The following TRAPPC11 variants were observed in gnomAD, a reference collection of about 807,000 sequenced individuals.
TRAPPC11 encodes foie gras homolog.
Under a neutral mutation model 151.2 loss-of-function variants are expected in TRAPPC11, and 104 were observed. That is an observed-to-expected ratio of 0.69 (90% CI 0.59 to 0.81). The LOEUF (loss-of-function observed/expected upper bound fraction) is 0.81. Among genes scored for constraint, TRAPPC11 ranks in the 30% least tolerant of loss-of-function variants. The pLI, the probability that TRAPPC11 is intolerant of heterozygous loss-of-function variation, is 0.00. For missense variants in TRAPPC11, 1,230 were observed against 1,349.6 expected (o/e 0.91, Z 1.39); for synonymous variants, 456 against 472.3 (o/e 0.97, Z 0.45).
rs775673359 is a variant in TRAPPC11 at position 183,685,113 on chromosome 4, C to G, written c.1597C>G (p.Arg533Gly). The change falls in exon 16 of 30, where the codon CGG becomes GGG. Residue 533 changes from arginine (R) to glycine (G), a missense_variant. Coordinates refer to ENST00000334690, the MANE Select transcript of TRAPPC11 (RefSeq NM_021942.6). ...ASTLKDDQKS[R>G]IEKNLINVLM... is the part of the protein sequence containing the mutation. The stretch of plus-strand genomic sequence containing the variant: ...AACTCTGAAAGATGACCAGAAGTCT[C>G]GGATAGAAAAGAACCTCATAAATGT... 1 of 1,613,712 alleles carries G rather than the reference C, an allele frequency of 6.2e-7. No homozygotes were observed. Among genetic ancestry groups the G allele is most frequent in the East Asian group, 2.2e-5 (1 of 44,838 alleles).
intron 14 of TRAPPC11, 56 bp from the exon 15 acceptor site, chr4:183,684,632 TCCATGAAC>T: frequency 1.3e-6 from 2 of 1,541,698 alleles, no homozygotes; most frequent in Admixed American, 3.8e-5. Context: ...TATTTTTTTC[TCCATGAAC>T]TCTTCGAACC....
intron 1 of TRAPPC11, among the ~76,000 whole-genome samples, chr4:183,663,549 A>T (rs1167823661): frequency 6.6e-6 from 1 of 151,920 alleles, no homozygotes; most frequent in Non-Finnish European, 1.5e-5. Flanking sequence ...TTGTATTTTT[A>T]GTAGAGACAA....
At chr4:183,660,000 A>G (rs1244671173) in intron 1 of TRAPPC11, among the ~76,000 whole-genome samples, 1 of 152,106 alleles carries the variant, frequency 6.6e-6, no homozygotes, top group African/African-American at 2.4e-5. Context: ...CTTCCCTTGC[A>G]TTACTTGATC....
chr4:183,694,748 A>T, intron 23 of TRAPPC11, 25 bp downstream of exon 23: 1 of 1,599,632 alleles, frequency 6.3e-7, no homozygotes, highest in Non-Finnish European at 8.5e-7. Context: ...CTACTTTATA[A>T]AGCATCATAT....
intron 5 of TRAPPC11, among the ~76,000 whole-genome samples, chr4:183,669,028 G>T (rs1415819064): frequency 6.6e-6 from 1 of 152,122 alleles, no homozygotes; most frequent in East Asian, 1.9e-4. Context: ...CTTCTCACTG[G>T]TATATAAAAG....
intron 3 of TRAPPC11, 26 bp from the exon 4 acceptor site, chr4:183,667,034 A>G: frequency 6.3e-7 from 1 of 1,575,738 alleles, no homozygotes; most frequent in Non-Finnish European, 8.7e-7. Flanking sequence ...AAAATAATTA[A>G]TTTTATTCTT....
chr4:183,659,336 C>A lies in TRAPPC11; in HGVS notation c.-133C>A. ...CCTGTTGGAACTGGCTGTGGGGCTG[C>A]GGCGGTGGGGACGGGCCACGGCGTT... On this transcript the variant is annotated 5_prime_UTR_variant, in exon 1 of 30. Coordinates refer to ENST00000334690, the MANE Select transcript of TRAPPC11 (RefSeq NM_021942.6). The A allele has an allele frequency of 4.9e-6, 1 of 202,626 alleles. No homozygotes were observed. 12.6% of individuals were successfully genotyped at this position (202,626 alleles called of 1,614,324 possible).
At chr4:183,692,838 C>T in intron 19 of TRAPPC11, 122 bp from the exon 20 acceptor site, 4 of 818,832 alleles carry the variant, frequency 4.9e-6, no homozygotes, top group Non-Finnish European at 5.6e-6. Context: ...TCACTTCTGT[C>T]ACACTGGGGG....
chr4:183,683,477 A>G (rs575268745), intron 11 of TRAPPC11, among the ~76,000 whole-genome samples: 1 of 152,260 alleles, frequency 6.6e-6, no homozygotes, highest in East Asian at 1.9e-4. Context: ...CCTGGGCAAC[A>G]TAGTGAGAAC....
chr4:183,663,755 T>TTTTAAA, intron 1 of TRAPPC11, 92 bp from the exon 2 acceptor site: 1 of 473,400 alleles, frequency 2.1e-6, no homozygotes, highest in East Asian at 3.7e-5. Flanking sequence ...TTTTTTTTTT[T>TTTTAAA]GAGACAGAGT....
At chr4:183,691,843 TA>T (rs2111061901) in intron 19 of TRAPPC11, among the ~76,000 whole-genome samples, 1 of 152,304 alleles carries the variant, frequency 6.6e-6, no homozygotes, top group African/African-American at 2.4e-5. Context: ...ATAGCAAATA[TA>T]TTTTTTATGT....
chr4:183,708,390 GA>G lies in TRAPPC11; in HGVS notation c.3190-16del, dbSNP rs2111105543. 3 of 1,606,132 alleles carry G rather than the reference GA, an allele frequency of 1.9e-6. No homozygotes were observed. The highest frequency in any genetic ancestry group is 1.7e-6 in the Non-Finnish European group (2 of 1,176,146). On this transcript the variant is annotated splice_polypyrimidine_tract_variant and intron_variant, in intron 28 of 29. Transcript: ENST00000334690. ...TGTGTATTTGATTATCTTTCTCTGT[GA>G]CTTTTTATGATGCAGATTCGATTAC...
At chr4:183,660,831 A>T (rs1257661439) in intron 1 of TRAPPC11, among the ~76,000 whole-genome samples, 1 of 152,156 alleles carries the variant, frequency 6.6e-6, no homozygotes, top group Non-Finnish European at 1.5e-5. Flanking sequence ...CTCCTGCCTC[A>T]GCCTCCCGAG....
chr4:183,694,581 TTA>T (rs1330652277), intron 22 of TRAPPC11, 21 bp from the exon 23 acceptor site: 2 of 1,601,512 alleles, frequency 1.2e-6, no homozygotes, highest in African/African-American at 2.7e-5. Flanking sequence ...ACTAATTAAA[TTA>T]CAACATTTAT....
Position 183,659,321 on chromosome 4 carries a change from C to G in TRAPPC11, c.-148C>G, listed in dbSNP as rs1350169825. The G allele has an allele frequency of 8.9e-6, 2 of 224,642 alleles. No individual in the cohort carries two copies. Among genetic ancestry groups the G allele is most frequent in the Non-Finnish European group, 8.7e-6 (1 of 114,956 alleles). 13.9% of individuals were successfully genotyped at this position (224,642 alleles called of 1,614,324 possible). On this transcript the variant is annotated 5_prime_UTR_variant, in exon 1 of 30. Transcript: ENST00000334690. ...TACAGGGAAGTCTCGCCTGTTGGAA[C>G]TGGCTGTGGGGCTGCGGCGGTGGGG... is the stretch of plus-strand genomic sequence containing the variant.
intron 29 of TRAPPC11, among the ~76,000 whole-genome samples, chr4:183,712,245 G>T (rs975325705): frequency 6.6e-6 from 1 of 152,226 alleles, no homozygotes; most frequent in African/African-American, 2.4e-5. Flanking sequence ...TGATAAACAA[G>T]GTTCCATTCC....
chr4:183,667,090 T>G lies in TRAPPC11; in HGVS notation c.405T>G (p.Val135=), dbSNP rs375901783. 17 of 1,603,780 alleles carry G rather than the reference T, an allele frequency of 1.1e-5. No homozygotes were observed. The African/African-American group carries it at 1.7e-4, about 16-fold the overall frequency. The change falls in exon 4 of 30, where the codon GTT becomes GTG. Residue 135 remains valine, a synonymous_variant. Coordinates refer to ENST00000334690, the MANE Select transcript of TRAPPC11 (RefSeq NM_021942.6). ...RQSLQGRNTK[V]AVVLIQKKTP... is the part of the protein sequence containing the mutation. ...GTTTACAAGGAAGAAACACAAAAGT[T>G]GCAGTGGTTCTGATTCAGAAGAAAA...
chr4:183,701,398 C>T (rs376857908), intron 25 of TRAPPC11: 4 of 233,356 alleles, frequency 1.7e-5, no homozygotes, highest in South Asian at 1.1e-4. Context: ...AAACAATCAC[C>T]GTAAGATATT....
Position 183,693,603 on chromosome 4 carries a change from T to G in TRAPPC11, c.2252T>G (p.Val751Gly), listed in dbSNP as rs1381726046. ...TCTTTTCAAAGGATCATATCCAGAGTCCCAAACATTTCTGTACATCTGCTA... is the reference window on the plus strand; with the variant it reads ...TCTTTTCAAAGGATCATATCCAGAGGCCCAAACATTTCTGTACATCTGCTA... ...IQASTMIISR[V>G]PNISVHLLHE... Residue 751 changes from valine to glycine, a missense_variant, in exon 21 of 30, where the codon GTC (valine) becomes GGC (glycine). By Grantham distance (109) the Val-to-Gly change is moderately radical. Coordinates refer to ENST00000334690, the MANE Select transcript of TRAPPC11 (RefSeq NM_021942.6). The G allele has an allele frequency of 6.2e-7, 1 of 1,611,728 alleles. No homozygotes were observed. Among genetic ancestry groups the G allele is most frequent in the Non-Finnish European group, 8.5e-7 (1 of 1,179,458 alleles).
Sources: allele counts gnomAD v4.1 joint callset (sites outside exome capture counted in the v4.1 genomes callset), GRCh38; gene constraint gnomAD v4.1.1; transcripts MANE v1.5; gene names NCBI Gene and HGNC (gene_info 2026-07-23, HGNC 2026-07-21).